The following PDIA5 variants were observed in gnomAD, a reference collection of about 807,000 sequenced individuals.
PDIA5 encodes the protein protein disulfide isomerase family A member 5.
In PDIA5, 58 loss-of-function variants were observed where a neutral mutation model predicts 77.6. The observed-to-expected ratio is 0.75, with a 90% CI of 0.61 to 0.93. The LOEUF (loss-of-function observed/expected upper bound fraction) is 0.93. Among genes scored for constraint, PDIA5 ranks in the 40% least tolerant of loss-of-function variants. PDIA5 has a pLI of 0.00. For synonymous variants in PDIA5, 250 were observed against 252.1 expected, an observed-to-expected ratio of 0.99 and a Z score of 0.08; for missense variants, 630 against 647.7, an observed-to-expected ratio of 0.97 and a Z score of 0.30.
chr3:123,108,259 A>G (rs1934782278), intron 6 of PDIA5, among the ~76,000 whole-genome samples: 2 of 151,090 alleles, frequency 1.3e-5, no homozygotes, highest in African/African-American at 2.4e-5. Flanking sequence ...ACAAAGAGCC[A>G]GTATTGTCAT....
At chr3:123,099,256 GTA>G (rs562909777) in intron 3 of PDIA5, among the ~76,000 whole-genome samples, 10 of 152,354 alleles carry the variant, frequency 6.6e-5, no homozygotes, top group Admixed American at 6.5e-4. Flanking sequence ...CGGTAAGACA[GTA>G]TCATTCATTT....
chr3:123,151,730 TCCTTCCTG>T (rs1236243098), intron 14 of PDIA5, among the ~76,000 whole-genome samples: 2 of 135,472 alleles, frequency 1.5e-5, no homozygotes, highest in African/African-American at 5.5e-5. Flanking sequence ...TACAACTCCT[TCCTTCCTG>T]CCTGCCTGCC....
chr3:123,092,586 G>A (rs1257254518), intron 3 of PDIA5, 144 bp downstream of exon 3: 2 of 679,358 alleles, frequency 2.9e-6, no homozygotes, highest in East Asian at 5.4e-5. Flanking sequence ...ATACTTCGAG[G>A]TCACCTCTGG....
intron 14 of PDIA5, among the ~76,000 whole-genome samples, chr3:123,152,003 T>TCCTTCCTTCCTTCCTG (rs1935920720): frequency 9.8e-6 from 1 of 101,976 alleles, no homozygotes; most frequent in African/African-American, 6.8e-5. Flanking sequence ...CTGCCTTCCT[T>TCCTTCCTTCCTTCCTG]CCTTCCTTCC....
chr3:123,094,624 G>A (rs1009240566), intron 3 of PDIA5, among the ~76,000 whole-genome samples: 1 of 152,264 alleles, frequency 6.6e-6, no homozygotes, highest in Non-Finnish European at 1.5e-5. Context: ...GTCCGTGTCT[G>A]TGGGTCTGTG....
intron 7 of PDIA5, among the ~76,000 whole-genome samples, chr3:123,111,727 T>C (rs56224533): frequency 4.0e-4 from 61 of 152,238 alleles, no homozygotes; most frequent in Non-Finnish European, 7.8e-4. Context: ...TTCACAGAAT[T>C]AAAAATGTTT....
At chr3:123,130,337 C>T (rs1237123347) in intron 10 of PDIA5, 143 bp from the exon 11 acceptor site, 4 of 814,412 alleles carry the variant, frequency 4.9e-6, no homozygotes, top group African/African-American at 1.7e-5. Context: ...TCCATGAGGG[C>T]AGTTTCTGGT....
At chr3:123,084,388 C>A (rs896500828) in intron 1 of PDIA5, among the ~76,000 whole-genome samples, 9 of 152,212 alleles carry the variant, frequency 5.9e-5, no homozygotes, top group African/African-American at 2.2e-4. Context: ...CCCACTCTGA[C>A]TGCCTGTGGA....
At chr3:123,111,139 A>G (rs951314938) in intron 7 of PDIA5, 135 bp downstream of exon 7, 6 of 688,028 alleles carry the variant, frequency 8.7e-6, no homozygotes, top group South Asian at 3.2e-5. Flanking sequence ...TCATCTCTCC[A>G]TCTGCGCCTC....
intron 13 of PDIA5, among the ~76,000 whole-genome samples, chr3:123,147,989 C>A (rs927409941): frequency 6.6e-6 from 1 of 152,166 alleles, no homozygotes; most frequent in Non-Finnish European, 1.5e-5. Context: ...GGGCCTCTGT[C>A]CTTTCTGTGT....
intron 8 of PDIA5, among the ~76,000 whole-genome samples, chr3:123,122,752 C>A (rs1935148845): frequency 6.6e-6 from 1 of 152,214 alleles, no homozygotes; most frequent in Admixed American, 6.5e-5. Context: ...TAAGTGGAAG[C>A]TGTCTTTGCA....
At chr3:123,120,104 T>C (rs1935075573) in intron 8 of PDIA5, among the ~76,000 whole-genome samples, 1 of 152,234 alleles carries the variant, frequency 6.6e-6, no homozygotes, top group Non-Finnish European at 1.5e-5. Flanking sequence ...CCTGTCTCCA[T>C]CTGCCTCTTC....
rs1180110105 is a variant in PDIA5, at chr3:123,102,772, A to T, written c.363A>T (p.Glu121Asp). 1 of 1,610,712 alleles carries T rather than the reference A, an allele frequency of 6.2e-7. No homozygotes were observed. Among genetic ancestry groups the T allele is most frequent in the Admixed American group, 1.7e-5 (1 of 60,028 alleles). ...ACAGGGATGGTGCATTTCATACTGA[A>T]TATAACCGAGCTGTGACATTTAAGG... ...FHYQDGAFHT[E>D]YNRAVTFKSI... Residue 121 changes from glutamate (E) to aspartate (D), a missense_variant, in exon 5 of 17, where the codon GAA (glutamate) becomes GAT (aspartate). By Grantham distance (45) the Glu-to-Asp change is conservative. Transcript: ENST00000316218.
chr3:123,161,546 C>A, intron 16 of PDIA5, 91 bp downstream of exon 16: 1 of 1,375,828 alleles, frequency 7.3e-7, no homozygotes, highest in Non-Finnish European at 1.0e-6. Flanking sequence ...GGGCAGCATC[C>A]CAGAAACTGC....
chr3:123,104,563 G>A (rs1278862687), intron 5 of PDIA5, among the ~76,000 whole-genome samples: 3 of 152,236 alleles, frequency 2.0e-5, no homozygotes, highest in African/African-American at 2.4e-5. Context: ...GCTGTGCCAC[G>A]GCACCTAGAG....
intron 1 of PDIA5, among the ~76,000 whole-genome samples, chr3:123,073,521 C>G (rs1023190007): frequency 6.6e-6 from 1 of 152,196 alleles, no homozygotes; most frequent in Non-Finnish European, 1.5e-5. Flanking sequence ...AGTTCACTGT[C>G]CCCTATTGCC....
chr3:123,086,329 A>G (rs554714077), intron 1 of PDIA5, among the ~76,000 whole-genome samples: 2 of 152,334 alleles, frequency 1.3e-5, no homozygotes, highest in Admixed American at 1.3e-4. Context: ...GACAGGAGTC[A>G]CTAAGCCTGT....
intron 3 of PDIA5, among the ~76,000 whole-genome samples, chr3:123,093,315 T>C (rs1934346777): frequency 6.6e-6 from 1 of 152,082 alleles, no homozygotes; most frequent in South Asian, 2.1e-4. Context: ...AGATACTAAC[T>C]GAACAGAAAA....
intron 3 of PDIA5, among the ~76,000 whole-genome samples, chr3:123,098,383 C>T (rs1934496950): frequency 6.6e-6 from 1 of 152,160 alleles, no homozygotes; most frequent in Non-Finnish European, 1.5e-5. Flanking sequence ...GCTCTCATCC[C>T]CACTTTGATC....
Sources: allele counts gnomAD v4.1 joint callset (sites outside exome capture counted in the v4.1 genomes callset), GRCh38; gene constraint gnomAD v4.1.1; transcripts MANE v1.5; gene names NCBI Gene and HGNC (gene_info 2026-07-23, HGNC 2026-07-21).